The following SERPINB6 variants were observed in gnomAD, a reference collection of about 807,000 sequenced individuals.
SERPINB6 encodes the protein serpin family B member 6.
In SERPINB6, 16 loss-of-function variants were observed where a neutral mutation model predicts 26.1. The ratio of observed to expected loss-of-function variants is 0.61; its 90% CI spans 0.42 to 0.93. The LOEUF is 0.93. Ranked by LOEUF, SERPINB6 falls within the 40% of genes least tolerant of loss-of-function variation. SERPINB6 has a pLI of 0.00. For synonymous variants in SERPINB6, 174 were observed against 176.6 expected (o/e 0.99, Z 0.11); for missense variants, 420 against 478.0 (o/e 0.88, Z 1.13).
intron 1 of SERPINB6, among the ~76,000 whole-genome samples, chr6:2,965,459 G>A (rs1421068042): frequency 1.3e-5 from 2 of 152,132 alleles, no homozygotes; most frequent in Non-Finnish European, 1.5e-5. Context: ...ATTGCTTACA[G>A]GGCAAAGAAA....
intron 1 of SERPINB6, chr6:2,969,693 T>G: frequency 1.0e-6 from 1 of 985,354 alleles, no homozygotes; most frequent in Non-Finnish European, 1.2e-6. Context: ...TCCTACTAAA[T>G]TTAACCATTT....
intron 1 of SERPINB6, chr6:2,969,233 T>G (rs1218665050): frequency 1.0e-6 from 1 of 985,704 alleles, no homozygotes; most frequent in African/African-American, 1.7e-5. Flanking sequence ...AGCAAACGTG[T>G]GAGTAACAAG....
intron 1 of SERPINB6, chr6:2,966,978 G>A (rs1771701099): frequency 1.0e-6 from 1 of 985,340 alleles, no homozygotes; most frequent in African/African-American, 1.7e-5. Context: ...TAAGGCACTT[G>A]CTGATTTCCT....
At position 2,955,659 on chromosome 6, in the gene SERPINB6, G is replaced by C. The variant is rs754833916; in HGVS notation, c.177C>G (p.Phe59Leu). 2 of 1,614,200 alleles carry C rather than the reference G, an allele frequency of 1.2e-6. No homozygotes were observed. The highest frequency in any genetic ancestry group is 1.7e-5 in the Admixed American group (1 of 60,018). Reference sequence around the variant, plus strand: ...TGTCTCCACCACCGCCACTTTTATTGAAAGAAAGTATCTGAAATCAAAAAC... The same window carrying C: ...TGTCTCCACCACCGCCACTTTTATTCAAAGAAAGTATCTGAAATCAAAAAC... ...TAAQMAQILS[F>L]NKSGGGGDIH... The change falls in exon 3 of 7, where the codon TTC (phenylalanine) becomes TTG (leucine). Residue 59 changes from phenylalanine (F) to leucine (L), a missense_variant. Coordinates refer to ENST00000380539, the MANE Select transcript of SERPINB6 (RefSeq NM_004568.6).
chr6:2,952,389 TAAAGAA>T (rs1276022898), intron 5 of SERPINB6, among the ~76,000 whole-genome samples: 1 of 152,142 alleles, frequency 6.6e-6, no homozygotes, highest in Non-Finnish European at 1.5e-5. Context: ...TTTCTATAGT[TAAAGAA>T]AAACAAAACA....
At chr6:2,971,250 G>T in intron 1 of SERPINB6, 1 of 904,406 alleles carries the variant, frequency 1.1e-6, no homozygotes, top group Non-Finnish European at 1.3e-6. Flanking sequence ...CGACTCACCC[G>T]GCCGCGTCGC....
chr6:2,966,258 T>A (rs1771631355), intron 1 of SERPINB6: 1 of 575,046 alleles, frequency 1.7e-6, no homozygotes. Context: ...GCTCATCTTG[T>A]TTGCCTCATC....
In SERPINB6 at chr6:2,971,261, C is replaced by G. The variant is rs929887437; in HGVS notation, c.-11+272G>C. 49 of 843,772 alleles carry G rather than the reference C, an allele frequency of 5.8e-5. No individual in the cohort carries two copies. In the African/African-American group the frequency reaches 8.6e-4, roughly 15 times the overall value. 52.3% of individuals were successfully genotyped at this position (843,772 alleles called of 1,614,324 possible). On this transcript the variant is annotated intron_variant, in intron 1 of 6. Coordinates refer to ENST00000380539, the MANE Select transcript of SERPINB6 (RefSeq NM_004568.6). ...CGCACGACTCACCCGGCCGCGTCGC[C>G]GTTCTCTGCCGCTGCGAGGCTCCGG...
chr6:2,956,476 A>G (rs1770493209), intron 2 of SERPINB6: 1 of 152,372 alleles, frequency 6.6e-6, no homozygotes, highest in African/African-American at 2.4e-5. Flanking sequence ...CGAAGGCCAC[A>G]TGGAAAGCCC....
rs952598032 is a variant in SERPINB6, at chr6:2,967,568, A to G, written c.-11+3965T>C. ...ATCTGACAAAGGTCAAATATCCAGC[A>G]TCTATATGGAACTTAAACAAATTTA... On this transcript the variant is annotated intron_variant, in intron 1 of 6. Coordinates refer to ENST00000380539, the MANE Select transcript of SERPINB6 (RefSeq NM_004568.6). The surrounding 1 kb of genome is among the most constrained non-coding windows in gnomAD (Gnocchi z 4.3). The G allele has an allele frequency of 6.6e-6, 1 of 152,264 alleles. No individual in the cohort carries two copies. The highest frequency in any genetic ancestry group is 1.5e-5 in the Non-Finnish European group (1 of 68,040). 9.4% of individuals were successfully genotyped at this position (152,264 alleles called of 1,614,324 possible).
rs1581246011 is a variant in SERPINB6, at chr6:2,955,257, A to C, written c.312+267T>G. On this transcript the variant is annotated intron_variant, in intron 3 of 6. Transcript: ENST00000380539. Reference sequence around the variant, plus strand: ...TGAATCAGTCTCTGAATATCAAACGAACTTCACCAACTGCTGGATCCTTTA... The same window carrying C: ...TGAATCAGTCTCTGAATATCAAACGCACTTCACCAACTGCTGGATCCTTTA... 8 of 508,194 alleles carry C rather than the reference A, an allele frequency of 1.6e-5. No individual in the cohort carries two copies. In the East Asian group the frequency reaches 2.7e-4, roughly 17 times the overall value. 31.5% of individuals were successfully genotyped at this position (508,194 alleles called of 1,614,324 possible). A position where few individuals can be genotyped will look rare whatever the true frequency, so the allele number is the denominator to read the frequency against.
chr6:2,955,189 CA>C (rs746942111), intron 3 of SERPINB6: 1,996 of 177,340 alleles, frequency 0.011, no homozygotes, highest in South Asian at 0.019. Context: ...GATTCTGTCT[CA>C]AAAAAAAAAA....
In SERPINB6 at chr6:2,965,570, G is replaced by C. The variant is rs541102005; in HGVS notation, c.-11+5963C>G. Among the ~76,000 whole-genome samples the C allele has an allele frequency of 2.0e-5, 3 of 152,028 alleles. No individual in the cohort carries two copies. In the East Asian group the frequency reaches 5.8e-4, roughly 29 times the overall value. ...ATTGCACAAACCTTAGTAGACTTTT[G>C]AACTTCTACAAATCTGATAAATCAA... On this transcript the variant is annotated intron_variant, in intron 1 of 6. Coordinates refer to ENST00000380539, the MANE Select transcript of SERPINB6 (RefSeq NM_004568.6).
At chr6:2,966,797 T>C (rs1771684677) in intron 1 of SERPINB6, 1 of 244,558 alleles carries the variant, frequency 4.1e-6, no homozygotes, top group Admixed American at 6.5e-5. Context: ...CTAGATATGA[T>C]AGGTGCACAC....
Position 2,967,011 on chromosome 6 carries a change from T to C in SERPINB6, c.-11+4522A>G, listed in dbSNP as rs2113339657. On this transcript the variant is annotated intron_variant, in intron 1 of 6. Transcript: ENST00000380539. This position sits in a 1 kb window ranked among gnomAD's most constrained non-coding sequence, Gnocchi z 4.3. The stretch of plus-strand genomic sequence containing the variant: ...CCTCCAGACTGGCTCTTTGTTCTCT[T>C]TTTCTGTCAAGTACAAAACTCTTAG... 1 of 985,450 alleles carries C rather than the reference T, an allele frequency of 1.0e-6. No homozygotes were observed. Among genetic ancestry groups the C allele is most frequent in the East Asian group, 1.1e-4 (1 of 8,816 alleles). The allele number at this position is 985,450 out of a possible 1,614,324, so 61.0% of individuals were successfully genotyped here. A position where few individuals can be genotyped will look rare whatever the true frequency, so the allele number is the denominator to read the frequency against.
At chr6:2,959,715 A>C (rs1200453723) in intron 1 of SERPINB6, 2 of 301,296 alleles carry the variant, frequency 6.6e-6, no homozygotes, top group Non-Finnish European at 1.3e-5. Flanking sequence ...TTGCGGGCTT[A>C]AATGTACTGT....
At chr6:2,968,414 T>C (rs1771829589) in intron 1 of SERPINB6, 2 of 858,592 alleles carry the variant, frequency 2.3e-6, no homozygotes, top group South Asian at 1.1e-4. Context: ...AGTTTACCTA[T>C]GTCACAAACC....
chr6:2,971,181 G>T, intron 1 of SERPINB6: 1 of 992,912 alleles, frequency 1.0e-6, no homozygotes, highest in South Asian at 4.7e-5. Context: ...TGGGCGCTGG[G>T]CCTGGGCGCC....
At chr6:2,959,045 C>T (rs1770805859) in intron 2 of SERPINB6, 123 bp downstream of exon 2, 2 of 1,324,560 alleles carry the variant, frequency 1.5e-6, no homozygotes, top group Non-Finnish European at 2.1e-6. Context: ...TCCCTGTAAA[C>T]TCGCCACCCA....
Sources: allele counts gnomAD v4.1 joint callset (sites outside exome capture counted in the v4.1 genomes callset), GRCh38; gene constraint gnomAD v4.1.1; non-coding constraint Gnocchi (gnomAD v3.1); transcripts MANE v1.5; gene names NCBI Gene and HGNC (gene_info 2026-07-23, HGNC 2026-07-21).